USP34: variants seen among roughly 807,000 people sequenced by gnomAD.
The protein encoded by USP34 is ubiquitin specific peptidase 34.
Under a neutral mutation model 460.3 loss-of-function variants are expected in USP34, and 70 were observed. The ratio of observed to expected loss-of-function variants is 0.15; its 90% confidence interval spans 0.13 to 0.19. The LOEUF (loss-of-function observed/expected upper bound fraction) is 0.19, where lower values mean the gene tolerates loss of function less well. Ranked by LOEUF, USP34 falls within the 10% of genes least tolerant of loss-of-function variation. The pLI, the probability that USP34 is intolerant of heterozygous loss-of-function variation, is 1.00. For synonymous variants in USP34, 1,647 were observed against 1,405.3 expected, an observed-to-expected ratio of 1.17 and a Z score of -3.85; for missense variants, 3,985 against 4,236.2, an observed-to-expected ratio of 0.94 and a Z score of 1.65.
intron 5 of USP34, among the ~76,000 whole-genome samples, chr2:61,393,511 G>T (rs1036304340): frequency 6.6e-6 from 1 of 151,548 alleles, no homozygotes; most frequent in African/African-American, 2.4e-5. Context: ...TATCAGAATG[G>T]GTGGAATTTT....
At chr2:61,419,968 TCTA>T (rs951414404) in intron 2 of USP34, among the ~76,000 whole-genome samples, 8 of 152,180 alleles carry the variant, frequency 5.3e-5, no homozygotes, top group Non-Finnish European at 1.2e-4. Flanking sequence ...ATCTGCCAAC[TCTA>T]CTGAGAGAGG....
chr2:61,345,454 C>T (rs976657710), intron 15 of USP34, among the ~76,000 whole-genome samples: 16 of 152,068 alleles, frequency 1.1e-4, no homozygotes, highest in African/African-American at 3.6e-4. Flanking sequence ...GGCAAATTGT[C>T]GAGTATAGCA....
At chr2:61,328,054 T>C (rs1482149569) in intron 20 of USP34, among the ~76,000 whole-genome samples, 1 of 152,112 alleles carries the variant, frequency 6.6e-6, no homozygotes, top group Non-Finnish European at 1.5e-5. Context: ...CCTAGCACTT[T>C]GGGAGGCGGA....
chr2:61,388,829 T>G (rs1204939547), intron 5 of USP34, among the ~76,000 whole-genome samples: 1 of 152,044 alleles, frequency 6.6e-6, no homozygotes, highest in East Asian at 1.9e-4. Flanking sequence ...CATTTACTTC[T>G]AGATATACAT....
intron 48 of USP34, chr2:61,250,179 C>T (rs575932182): frequency 6.2e-6 from 1 of 160,810 alleles, no homozygotes; most frequent in African/African-American, 2.4e-5. Context: ...GATCACACCA[C>T]TGCACTCCAG....
intron 2 of USP34, among the ~76,000 whole-genome samples, chr2:61,413,398 TAAAATAAA>T (rs1178429666): frequency 7.2e-6 from 1 of 139,258 alleles, no homozygotes; most frequent in Non-Finnish European, 1.5e-5. Flanking sequence ...TCAAAAAAAT[TAAAATAAA>T]AAAATAAAAA....
At chr2:61,339,981 C>T (rs1691539914) in intron 16 of USP34, among the ~76,000 whole-genome samples, 2 of 151,980 alleles carry the variant, frequency 1.3e-5, no homozygotes, top group South Asian at 2.1e-4. Context: ...TGGCACAATA[C>T]TTATGAGGAG....
chr2:61,371,643 T>C (rs1692632080), intron 8 of USP34, among the ~76,000 whole-genome samples: 1 of 152,152 alleles, frequency 6.6e-6, no homozygotes, highest in African/African-American at 2.4e-5. Flanking sequence ...AATTTTTAAA[T>C]AATTTGTATA....
At chr2:61,358,439 A>C (rs1692173242) in intron 10 of USP34, among the ~76,000 whole-genome samples, 1 of 152,148 alleles carries the variant, frequency 6.6e-6, no homozygotes, top group Non-Finnish European at 1.5e-5. Flanking sequence ...GATTCCTTTC[A>C]TGATAAAAAT....
Position 61,266,101 on chromosome 2 carries a change from T to C in USP34, c.5500A>G (p.Lys1834Glu). 5 of 1,614,020 alleles carry C rather than the reference T, an allele frequency of 3.1e-6. No homozygotes were observed. The highest frequency in any genetic ancestry group is 4.2e-6 in the Non-Finnish European group (5 of 1,179,910). ...GCTCTTGAAGAATGTGATTTGCACT[T>C]TGGCTGTTGTCGGTCCTTTAGACTT... ...LPSLKDRQQP[K>E]CKSHSSRAAA... Residue 1834 changes from lysine (K) to glutamate (E), a missense_variant, in exon 42 of 80, where the codon AAG becomes GAG. This residue lies in a region of USP34 where 1,114 missense variants were observed against 1,122.5 expected (regional missense o/e 0.99). Coordinates refer to ENST00000398571, the MANE Select transcript of USP34 (RefSeq NM_014709.4).
chr2:61,405,254 A>AAAAAAAAAG (rs1558575556), intron 3 of USP34, among the ~76,000 whole-genome samples: 2 of 97,428 alleles, frequency 2.1e-5, no homozygotes, highest in Non-Finnish European at 4.1e-5. Flanking sequence ...AAAAAAAAAA[A>AAAAAAAAAG]AAAGAAAGAA....
chr2:61,338,497 G>C (rs930435643), intron 18 of USP34, among the ~76,000 whole-genome samples: 3 of 152,126 alleles, frequency 2.0e-5, no homozygotes, highest in Admixed American at 1.3e-4. Context: ...AAATTCAATA[G>C]GGGAAAAAAA....
chr2:61,432,228 C>G (rs1356299900), intron 1 of USP34, among the ~76,000 whole-genome samples: 3 of 151,750 alleles, frequency 2.0e-5, no homozygotes, highest in African/African-American at 7.3e-5. Context: ...AATCCTAGCA[C>G]TTTGAGTGGC....
At chr2:61,419,605 T>C (rs1252126620) in intron 2 of USP34, among the ~76,000 whole-genome samples, 1 of 152,178 alleles carries the variant, frequency 6.6e-6, no homozygotes, top group African/African-American at 2.4e-5. Flanking sequence ...GGAGAATGAT[T>C]TTGTTTCTCT....
At chr2:61,356,232 A>T (rs1692099077) in intron 10 of USP34, among the ~76,000 whole-genome samples, 1 of 152,166 alleles carries the variant, frequency 6.6e-6, no homozygotes, top group African/African-American at 2.4e-5. Flanking sequence ...TCATGCCTGT[A>T]ATCCCAGCAC....
chr2:61,465,073 G>A (rs1222781119), intron 1 of USP34, among the ~76,000 whole-genome samples: 1 of 152,074 alleles, frequency 6.6e-6, no homozygotes, highest in East Asian at 1.9e-4. Flanking sequence ...AGCATGAAAA[G>A]AAAATGGCAA....
chr2:61,424,708 T>G (rs564011814), intron 1 of USP34, among the ~76,000 whole-genome samples: 1 of 152,176 alleles, frequency 6.6e-6, no homozygotes, highest in African/African-American at 2.4e-5. Flanking sequence ...AGACCCCCTC[T>G]CTATTTAAGA....
At chr2:61,413,161 T>A (rs1203061154) in intron 2 of USP34, among the ~76,000 whole-genome samples, 2 of 151,670 alleles carry the variant, frequency 1.3e-5, no homozygotes, top group Admixed American at 1.3e-4. Context: ...TTTGGAAGGC[T>A]GAGGCGGGCA....
At chr2:61,387,735 AAAAATATATTTTTACGTATACACACATGT>A (rs1353034197) in intron 5 of USP34, among the ~76,000 whole-genome samples, 58 of 145,576 alleles carry the variant, frequency 4.0e-4, no homozygotes, top group South Asian at 8.6e-4. Flanking sequence ...ACACACATGT[AAAAATATATTTTTACGTATACACACATGT>A]AAAATATATT....
Sources: allele counts gnomAD v4.1 joint callset (sites outside exome capture counted in the v4.1 genomes callset), GRCh38; gene constraint gnomAD v4.1.1; regional missense constraint gnomAD v4.1.1; transcripts MANE v1.5; gene names NCBI Gene and HGNC (gene_info 2026-07-23, HGNC 2026-07-21).